Variants in CRACR2A observed in about 807,000 individuals in gnomAD.
The protein encoded by CRACR2A is calcium release activated channel regulator 2A, also known as EF-hand calcium-binding domain-containing protein 4B.
In CRACR2A, 79 loss-of-function variants were observed where a neutral mutation model predicts 90.5. The ratio of observed to expected loss-of-function variants is 0.87; its 90% CI spans 0.73 to 1.05. The LOEUF is 1.05. Among genes scored for constraint, CRACR2A ranks in the 50% least tolerant of loss-of-function variants. CRACR2A has a pLI of 0.00. For synonymous variants in CRACR2A, 338 were observed against 356.7 expected, an observed-to-expected ratio of 0.95 and a Z score of 0.59; for missense variants, 823 against 897.2, an observed-to-expected ratio of 0.92 and a Z score of 1.06.
chr12:3,698,858 T>A (rs903478451), intron 3 of CRACR2A, among the ~76,000 whole-genome samples: 10 of 152,202 alleles, frequency 6.6e-5, no homozygotes, highest in Non-Finnish European at 2.9e-5. Flanking sequence ...CGTGAGCTTC[T>A]GTAAATATAC....
chr12:3,743,830 T>C (rs1946567829), intron 1 of CRACR2A, among the ~76,000 whole-genome samples: 1 of 152,056 alleles, frequency 6.6e-6, no homozygotes, highest in African/African-American at 2.4e-5. Flanking sequence ...AACCCAAAAA[T>C]CTGAGTTCTG....
intron 4 of CRACR2A, among the ~76,000 whole-genome samples, chr12:3,684,470 T>C (rs1262242636): frequency 6.6e-6 from 1 of 152,160 alleles, no homozygotes; most frequent in Non-Finnish European, 1.5e-5. Flanking sequence ...GGAGGGACCA[T>C]CCTGTGTATT....
At position 3,679,057 on chromosome 12, in the gene CRACR2A, C is replaced by T. The variant is rs1425515848; in HGVS notation, c.382G>A (p.Ala128Thr). 14 of 1,613,420 alleles carry T rather than the reference C, an allele frequency of 8.7e-6. No homozygotes were observed. Among genetic ancestry groups the T allele is most frequent in the Non-Finnish European group, 1.2e-5 (14 of 1,179,812 alleles). The stretch of plus-strand genomic sequence containing the variant: ...TGGCGCTGGGCCACCTGTTCACCTG[C>T]ATCTTCCTGACTTGGGTTATTCTGG... ...FSQNNPSQED[A>T]GEQVAQRHEE... Residue 128 changes from alanine (A) to threonine (T), a missense_variant, in exon 6 of 20, where the codon GCA becomes ACA. By Grantham distance (58) the Ala-to-Thr change is moderately conservative. Transcript: ENST00000440314.
rs1202624143 is a variant in CRACR2A, at chr12:3,616,983, G to A, written c.2082C>T (p.Asn694=). The A allele has an allele frequency of 2.5e-5, 39 of 1,551,484 alleles. No homozygotes were observed. Among genetic ancestry groups the A allele is most frequent in the Non-Finnish European group, 3.3e-5 (38 of 1,146,916 alleles). Reference sequence around the variant, plus strand: ...CCAGATGGAGCAGGGACTCTTTGGTGTTGTGACCAGAGTAGGCGCTGCATT... The same window carrying A: ...CCAGATGGAGCAGGGACTCTTTGGTATTGTGACCAGAGTAGGCGCTGCATT... ...FYECSAYSGH[N]TKESLLHLAR... The change falls in exon 19 of 20, where the codon AAC becomes AAT. Residue 694 remains asparagine (N), a synonymous_variant. Transcript: ENST00000440314.
intron 6 of CRACR2A, among the ~76,000 whole-genome samples, chr12:3,675,418 A>T (rs1374004235): frequency 6.6e-6 from 1 of 152,108 alleles, no homozygotes; most frequent in African/African-American, 2.4e-5. Flanking sequence ...CCCCAACATG[A>T]TGGCATCAGT....
At position 3,740,356 on chromosome 12, in the gene CRACR2A, A is replaced by G. The variant is rs192242182; in HGVS notation, c.-386-7146T>C. Reference sequence around the variant, plus strand: ...TGGCAACACTTCCGGGGAAACAGATAAAGTCAGAGTGAATCTTTCCTTGAT... The same window carrying G: ...TGGCAACACTTCCGGGGAAACAGATGAAGTCAGAGTGAATCTTTCCTTGAT... On this transcript the variant is annotated intron_variant, in intron 1 of 19. Transcript: ENST00000440314. Among the ~76,000 whole-genome samples the G allele has an allele frequency of 4.3e-3, 470 of 108,572 alleles. 5 individuals carry two copies. The highest frequency in any genetic ancestry group is 0.022 in the South Asian group (89 of 4,100). The allele number at this position is 108,572 out of a possible 152,430, so 71.2% of individuals were successfully genotyped here.
In CRACR2A at chr12:3,680,397, G is replaced by A. The variant is rs57335133; in HGVS notation, c.229-48C>T. On this transcript the variant is annotated intron_variant, in intron 4 of 19. Transcript: ENST00000440314. Reference sequence around the variant, plus strand: ...TGGTTAACACTGACACTCACTGGTGGGGGAGGTGACCTGGGACTGCAGAGC... The same window carrying A: ...TGGTTAACACTGACACTCACTGGTGAGGGAGGTGACCTGGGACTGCAGAGC... 0.13 allele frequency: 202,236 copies of A among 1,538,540 alleles called. 14,678 individuals carry two copies. The highest frequency in any genetic ancestry group is 0.27 in the Admixed American group (16,141 of 59,178).
At chr12:3,681,611 T>TC (rs1383670327) in intron 4 of CRACR2A, among the ~76,000 whole-genome samples, 1 of 152,210 alleles carries the variant, frequency 6.6e-6, no homozygotes, top group Non-Finnish European at 1.5e-5. Flanking sequence ...TCTCCCTTCC[T>TC]CCCAGTTACC....
chr12:3,628,831 G>A (rs1944326617), intron 15 of CRACR2A, among the ~76,000 whole-genome samples: 1 of 152,166 alleles, frequency 6.6e-6, no homozygotes, highest in Non-Finnish European at 1.5e-5. Flanking sequence ...AGACCAAACA[G>A]ATAACAAAGA....
At chr12:3,652,677 A>G (rs78316575) in intron 10 of CRACR2A, among the ~76,000 whole-genome samples, 4,671 of 152,340 alleles carry the variant, frequency 0.031, 103 homozygotes, top group Middle Eastern at 0.058. Flanking sequence ...GTTAACATCT[A>G]TAAAACAAGT....
intron 3 of CRACR2A, among the ~76,000 whole-genome samples, chr12:3,708,369 A>G (rs888068436): frequency 9.9e-5 from 15 of 151,780 alleles, no homozygotes; most frequent in Admixed American, 3.3e-4. Context: ...GCTTTCTCCT[A>G]CCTCCCATCC....
chr12:3,627,086 T>TTC (rs1423249514), intron 17 of CRACR2A, among the ~76,000 whole-genome samples: 2 of 152,122 alleles, frequency 1.3e-5, no homozygotes, highest in African/African-American at 4.8e-5. Context: ...AAACACTGAT[T>TTC]TCTCCAGGAC....
Position 3,654,513 on chromosome 12 carries a change from C to A in CRACR2A, c.859-114G>T, listed in dbSNP as rs1225357658. 48 of 964,772 alleles carry A rather than the reference C, an allele frequency of 5.0e-5. 1 individual carries two copies. The Middle Eastern group carries it at 1.4e-3, about 29-fold the overall frequency. The allele number at this position is 964,772 out of a possible 1,614,324, so 59.8% of individuals were successfully genotyped here. A position where few individuals can be genotyped will look rare whatever the true frequency, so the allele number is the denominator to read the frequency against. ...GGCAGGCAGGAACCGTCACTGCCAC[C>A]CCTCACTGGCCTCAAGCCTAAATCA... On this transcript the variant is annotated intron_variant, in intron 9 of 19. Transcript: ENST00000440314.
At chr12:3,639,489 T>A (rs2336393) in intron 13 of CRACR2A, among the ~76,000 whole-genome samples, 6 of 141,718 alleles carry the variant, frequency 4.2e-5, no homozygotes, top group Admixed American at 6.7e-5. Flanking sequence ...CATGCAAGCA[T>A]GCACACAGAC....
chr12:3,752,356 GGACACACACACACAGACACACACACAC>G (rs1565514189), intron 1 of CRACR2A, among the ~76,000 whole-genome samples: 4 of 23,164 alleles, frequency 1.7e-4, no homozygotes, highest in African/African-American at 3.8e-4. Context: ...ACACACACAC[GGACACACACACACAGACACACACACAC>G]ACGGACACAC....
intron 1 of CRACR2A, among the ~76,000 whole-genome samples, chr12:3,737,798 T>A (rs946927232): frequency 6.6e-6 from 1 of 152,210 alleles, no homozygotes; most frequent in Non-Finnish European, 1.5e-5. Context: ...AGAACACATA[T>A]CCTTTGAATT....
intron 15 of CRACR2A, among the ~76,000 whole-genome samples, chr12:3,632,711 C>T (rs1944396874): frequency 6.6e-6 from 1 of 152,204 alleles, no homozygotes; most frequent in Non-Finnish European, 1.5e-5. Context: ...GATCTGTCGA[C>T]TGTGCTGAAC....
chr12:3,620,417 T>C (rs535572011), intron 17 of CRACR2A, among the ~76,000 whole-genome samples: 63 of 152,378 alleles, frequency 4.1e-4, no homozygotes, highest in Admixed American at 1.4e-3. Context: ...GCTGTTTTAC[T>C]TGAGCATTTC....
chr12:3,629,295 A>G (rs1333261529), intron 15 of CRACR2A, among the ~76,000 whole-genome samples: 1 of 152,204 alleles, frequency 6.6e-6, no homozygotes, highest in Non-Finnish European at 1.5e-5. Flanking sequence ...AGCCAGACTC[A>G]GGGCACAGGA....
Sources: gnomAD v4.1 joint callset for allele counts (sites outside exome capture counted in the v4.1 genomes callset) on GRCh38, gnomAD v4.1.1 for gene constraint, MANE v1.5 for transcripts, NCBI Gene and HGNC (gene_info 2026-07-23, HGNC 2026-07-21) for gene names.